Variants in AHCY observed in about 807,000 individuals in gnomAD.
AHCY encodes the protein S-adenosyl-L-homocysteine hydrolase.
A neutral mutation model predicts 45.4 loss-of-function variants in AHCY; 24 were observed. That is an observed-to-expected ratio of 0.53 (90% CI 0.38 to 0.74). The LOEUF (loss-of-function observed/expected upper bound fraction) is 0.74. AHCY is among the 30% of genes least tolerant of loss of function. The probability of loss-of-function intolerance (pLI) is 0.00; values close to 1 mark genes in which losing one functional copy is unlikely to be tolerated. For missense variants in AHCY, 449 were observed against 594.1 expected, an observed-to-expected ratio of 0.76 and a Z score of 2.54; for synonymous variants, 245 against 235.1, an observed-to-expected ratio of 1.04 and a Z score of -0.39.
the AHCY span, among the ~76,000 whole-genome samples, chr20:34,271,652 G>C: frequency 6.9e-6 from 1 of 145,288 alleles, no homozygotes; most frequent in African/African-American, 2.5e-5. Context: ...CACAGCCTCT[G>C]CCTCCCAGGT....
chr20:34,311,835 G>C (rs374011347), upstream of AHCY: 20 of 152,508 alleles, frequency 1.3e-4, no homozygotes, highest in African/African-American at 4.1e-4. Context: ...TCACCGCTGG[G>C]CTGGGGAGTA....
the AHCY span, among the ~76,000 whole-genome samples, chr20:34,270,778 G>A: frequency 6.6e-6 from 1 of 152,206 alleles, no homozygotes; most frequent in Non-Finnish European, 1.5e-5. Context: ...TCTTGTTAGA[G>A]GTTAGAACCG....
intron 8 of AHCY, among the ~76,000 whole-genome samples, chr20:34,289,249 C>G (rs1324358957): frequency 2.6e-5 from 4 of 152,174 alleles, no homozygotes; most frequent in Non-Finnish European, 5.9e-5. Flanking sequence ...TCTCGGCTCA[C>G]TACAACCTCC....
chr20:34,278,752 C>T (rs540721026), downstream of AHCY, among the ~76,000 whole-genome samples: 1 of 152,180 alleles, frequency 6.6e-6, no homozygotes, highest in African/African-American at 2.4e-5. Context: ...TAAATAAGAC[C>T]ATACCTTTTT....
At chr20:34,285,370 G>T in intron 9 of AHCY, 70 bp downstream of exon 9, 2 of 1,570,842 alleles carry the variant, frequency 1.3e-6, no homozygotes, top group Non-Finnish European at 1.7e-6. Context: ...TATAAACTCT[G>T]GCAAGCCCTG....
At chr20:34,269,645 A>G in the AHCY span, among the ~76,000 whole-genome samples, 23 of 151,764 alleles carry the variant, frequency 1.5e-4, no homozygotes, top group African/African-American at 5.1e-4. Context: ...GGAAAAAAAA[A>G]ACGGAAAGAA....
the AHCY span, chr20:34,260,620 C>T: frequency 1.0e-4 from 145 of 1,385,610 alleles, no homozygotes; most frequent in Non-Finnish European, 7.1e-5. Context: ...CAGGATCCAC[C>T]GCCATGGTCA....
At chr20:34,299,056 C>T (rs2036681712) in intron 1 of AHCY, among the ~76,000 whole-genome samples, 1 of 152,238 alleles carries the variant, frequency 6.6e-6, no homozygotes, top group Non-Finnish European at 1.5e-5. Context: ...GGGCCACTAC[C>T]GGTCTCCGCG....
At chr20:34,309,892 A>AGGAG (rs1257354316) in intron 1 of AHCY, among the ~76,000 whole-genome samples, 1 of 146,368 alleles carries the variant, frequency 6.8e-6, no homozygotes, top group Non-Finnish European at 1.5e-5. Flanking sequence ...TAGGGAGGGA[A>AGGAG]GGAGGGAGGG....
chr20:34,269,318 A>G, the AHCY span: 28 of 1,001,468 alleles, frequency 2.8e-5, no homozygotes, highest in East Asian at 8.2e-4. Context: ...TTGGGCTAAA[A>G]TCGAAATACA....
chr20:34,308,244 G>C (rs1306117912), upstream of AHCY, among the ~76,000 whole-genome samples: 1 of 152,114 alleles, frequency 6.6e-6, no homozygotes, highest in Non-Finnish European at 1.5e-5. Flanking sequence ...ATTGTGAATA[G>C]TACCTGTTAA....
chr20:34,293,141 C>A (rs985448919), intron 3 of AHCY, among the ~76,000 whole-genome samples: 1 of 152,134 alleles, frequency 6.6e-6, no homozygotes, highest in African/African-American at 2.4e-5. Flanking sequence ...TCATAGAAAC[C>A]CTGTGAGGCA....
chr20:34,303,411 A>G (rs571012286), upstream of AHCY: 2 of 1,264,460 alleles, frequency 1.6e-6, no homozygotes, highest in African/African-American at 1.5e-5. Flanking sequence ...CATATTCATG[A>G]CCCGCTGGGG....
chr20:34,310,355 G>C (rs765293629), intron 1 of AHCY, among the ~76,000 whole-genome samples: 14 of 152,070 alleles, frequency 9.2e-5, no homozygotes, highest in African/African-American at 3.4e-4. Context: ...CACCATGCCC[G>C]GCTGATTAAT....
intron 1 of AHCY, among the ~76,000 whole-genome samples, chr20:34,296,381 T>C (rs2036578646): frequency 6.6e-6 from 1 of 152,196 alleles, no homozygotes; most frequent in Admixed American, 6.5e-5. Context: ...GGATTTCATA[T>C]TAATCTATAT....
chr20:34,256,201 C>A, the AHCY span, among the ~76,000 whole-genome samples: 1 of 152,238 alleles, frequency 6.6e-6, no homozygotes, highest in African/African-American at 2.4e-5. Flanking sequence ...CTGGTGGACA[C>A]GTGACTTGTG....
At chr20:34,301,070 AAAC>A (rs2036754181) in intron 1 of AHCY, among the ~76,000 whole-genome samples, 1 of 152,164 alleles carries the variant, frequency 6.6e-6, no homozygotes, top group South Asian at 2.1e-4. Flanking sequence ...TGGCAAAGAA[AAAC>A]AACACAAATC....
chr20:34,308,297 T>C (rs777780256), upstream of AHCY, among the ~76,000 whole-genome samples: 21 of 152,226 alleles, frequency 1.4e-4, no homozygotes, highest in Non-Finnish European at 2.1e-4. Context: ...AGGCCTATAG[T>C]CCCAGCACTT....
intron 1 of AHCY, among the ~76,000 whole-genome samples, chr20:34,301,126 G>A (rs2036756551): frequency 6.6e-6 from 1 of 152,156 alleles, no homozygotes; most frequent in African/African-American, 2.4e-5. Flanking sequence ...GACCCAGAGA[G>A]GACCCAGAGA....
Sources: gnomAD v4.1 joint callset for allele counts (sites outside exome capture counted in the v4.1 genomes callset) on GRCh38, gnomAD v4.1.1 for gene constraint, MANE v1.5 for transcripts, NCBI Gene and HGNC (gene_info 2026-07-23, HGNC 2026-07-21) for gene names.